The following SEMA3D variants were observed in gnomAD, a reference collection of about 807,000 sequenced individuals.
The protein encoded by SEMA3D is semaphorin-3D.
A neutral mutation model predicts 100.1 loss-of-function variants in SEMA3D; 84 were observed. The observed-to-expected ratio is 0.84, with a 90% CI of 0.70 to 1.01. The LOEUF is 1.01. Among genes scored for constraint, SEMA3D ranks in the 50% least tolerant of loss-of-function variants. The probability of loss-of-function intolerance (pLI) is 0.00; values close to 1 mark genes in which losing one functional copy is unlikely to be tolerated. For synonymous variants in SEMA3D, 312 were observed against 320.7 expected, an observed-to-expected ratio of 0.97 and a Z score of 0.29; for missense variants, 875 against 934.1, an observed-to-expected ratio of 0.94 and a Z score of 0.82.
At chr7:85,237,772 G>A in the SEMA3D span, among the ~76,000 whole-genome samples, 3 of 152,168 alleles carry the variant, frequency 2.0e-5, no homozygotes, top group African/African-American at 4.8e-5. Flanking sequence ...TTGTGTGAGC[G>A]TAAGTTTTCA....
At chr7:85,249,796 T>C in the SEMA3D span, among the ~76,000 whole-genome samples, 1 of 152,210 alleles carries the variant, frequency 6.6e-6, no homozygotes, top group African/African-American at 2.4e-5. Context: ...GAAAAAATTC[T>C]CTAAAACTGC....
chr7:85,021,621 A>C lies in SEMA3D; in HGVS notation c.1414+770T>G, dbSNP rs371180346. On this transcript the variant is annotated intron_variant, in intron 13 of 18. Transcript: ENST00000284136. ...TTTTGAACTCTTAAATATCTATTCT[A>C]ATAAAAAGTCTTGTTTGTTGAAAAT... 7.6e-4 allele frequency among the ~76,000 whole-genome samples: 116 copies of C among 151,914 alleles called. 1 individual carries two copies. The South Asian group carries it at 0.023, about 30-fold the overall frequency.
rs563993065 is a variant in SEMA3D at position 85,086,855 on chromosome 7, T to C, written c.313-5276A>G. On this transcript the variant is annotated intron_variant, in intron 4 of 18. Coordinates refer to ENST00000284136, the MANE Select transcript of SEMA3D (RefSeq NM_001384900.1). ...GGTACCTGTGTTCCTTGGATTATTT[T>C]AGTGGCCTAGTCAGTACACTTTGAG... Among the ~76,000 whole-genome samples the C allele has an allele frequency of 2.6e-5, 4 of 152,288 alleles. No homozygotes were observed. In the South Asian group the frequency reaches 8.3e-4, roughly 32 times the overall value.
intron 15 of SEMA3D, among the ~76,000 whole-genome samples, chr7:85,015,705 T>C (rs1790078982): frequency 1.3e-5 from 2 of 151,788 alleles, no homozygotes; most frequent in Non-Finnish European, 2.9e-5. Flanking sequence ...ATGTGAGTTA[T>C]TAGTGGGAGA....
At chr7:85,059,510 A>G (rs2116107031) in intron 8 of SEMA3D, among the ~76,000 whole-genome samples, 1 of 152,336 alleles carries the variant, frequency 6.6e-6, no homozygotes, top group East Asian at 1.9e-4. Flanking sequence ...ATGCAGCATG[A>G]TGTCCCTTGA....
At chr7:85,139,449 T>C (rs926507933) in intron 2 of SEMA3D, among the ~76,000 whole-genome samples, 79 of 152,236 alleles carry the variant, frequency 5.2e-4, no homozygotes, top group Admixed American at 3.9e-4. Flanking sequence ...GAAAACATCA[T>C]TTTATATCAG....
At chr7:85,200,797 T>C in the SEMA3D span, among the ~76,000 whole-genome samples, 1 of 151,952 alleles carries the variant, frequency 6.6e-6, no homozygotes, top group African/African-American at 2.4e-5. Context: ...GGGGAAAAAA[T>C]GGTTTAGTGG....
chr7:85,005,263 A>G, intron 18 of SEMA3D, among the ~76,000 whole-genome samples: 1 of 152,028 alleles, frequency 6.6e-6, no homozygotes, highest in Admixed American at 6.5e-5. Context: ...CATTCTTTCA[A>G]TATTTCTTGG....
intron 2 of SEMA3D, among the ~76,000 whole-genome samples, chr7:85,131,133 G>C (rs1449177976): frequency 6.6e-6 from 1 of 152,054 alleles, no homozygotes; most frequent in African/African-American, 2.4e-5. Flanking sequence ...TTAAGAACAA[G>C]AGAAAATTAT....
intron 17 of SEMA3D, among the ~76,000 whole-genome samples, chr7:85,009,999 C>A (rs1335456306): frequency 6.6e-6 from 1 of 150,438 alleles, no homozygotes; most frequent in African/African-American, 2.5e-5. Flanking sequence ...TGAGAAAATA[C>A]CAAGGGCAAA....
At chr7:85,042,327 A>T in intron 9 of SEMA3D, 42 bp from the exon 10 acceptor site, 2 of 1,388,400 alleles carry the variant, frequency 1.4e-6, no homozygotes, top group Non-Finnish European at 2.0e-6. Context: ...TTATCAACAC[A>T]ATTCTACCAC....
chr7:85,169,674 T>A (rs1791030331), intron 1 of SEMA3D, among the ~76,000 whole-genome samples: 1 of 151,838 alleles, frequency 6.6e-6, no homozygotes, highest in Admixed American at 6.6e-5. Flanking sequence ...AAAGAAGAGC[T>A]GTGGTATCTG....
chr7:85,097,917 C>T lies in SEMA3D; in HGVS notation c.200G>A (p.Gly67Glu), dbSNP rs1788614425. Residue 67 changes from glycine to glutamate, a missense_variant, in exon 4 of 19, where the codon GGA (glycine) becomes GAA (glutamate). Coordinates refer to ENST00000284136, the MANE Select transcript of SEMA3D (RefSeq NM_001384900.1). ...SCIPFLGSSE[G>E]LDFQTLLLDE... ...TAAGAGAAGAGTTTGAAAATCCAGT[C>T]CTTCTGATGAACCCAAAAAGGGAAT... 6.2e-7 allele frequency: 1 copy of T among 1,608,682 alleles called. No homozygotes were observed. Among genetic ancestry groups the T allele is most frequent in the Non-Finnish European group, 8.5e-7 (1 of 1,176,746 alleles).
rs887259853 is a variant in SEMA3D at position 85,168,074 on chromosome 7, G to A, written c.-172-14335C>T. Among the ~76,000 whole-genome samples, 7 of 151,914 alleles carry A rather than the reference G, an allele frequency of 4.6e-5. No individual in the cohort carries two copies. In the East Asian group the frequency reaches 1.4e-3, roughly 29 times the overall value. On this transcript the variant is annotated intron_variant, in intron 1 of 18. Transcript: ENST00000284136. ...CTGGGGTGTATATAATAATTGAAAAGTTTGACAGAATTTTATACTTTTCTT... is the reference window on the plus strand; with the variant it reads ...CTGGGGTGTATATAATAATTGAAAAATTTGACAGAATTTTATACTTTTCTT...
At chr7:85,095,100 A>G (rs1475990500) in intron 4 of SEMA3D, among the ~76,000 whole-genome samples, 2 of 152,028 alleles carry the variant, frequency 1.3e-5, no homozygotes, top group African/African-American at 4.8e-5. Context: ...CTTCCTCTGC[A>G]ATCATTTATT....
chr7:85,027,014 A>G (rs1790409056), intron 12 of SEMA3D, among the ~76,000 whole-genome samples: 1 of 152,060 alleles, frequency 6.6e-6, no homozygotes, highest in African/African-American at 2.4e-5. Context: ...ATGGAAACCC[A>G]ATTGTTGATA....
intron 4 of SEMA3D, among the ~76,000 whole-genome samples, chr7:85,087,915 G>A (rs969980650): frequency 6.6e-6 from 1 of 152,042 alleles, no homozygotes; most frequent in African/African-American, 2.4e-5. Flanking sequence ...AATAAAAATT[G>A]TCTTCAGTGC....
chr7:85,237,767 T>C, the SEMA3D span, among the ~76,000 whole-genome samples: 7 of 152,214 alleles, frequency 4.6e-5, no homozygotes, highest in African/African-American at 1.7e-4. Context: ...AGCTTTTGTG[T>C]GAGCGTAAGT....
chr7:85,150,194 A>G (rs1319787425), intron 2 of SEMA3D, among the ~76,000 whole-genome samples: 1 of 151,522 alleles, frequency 6.6e-6, no homozygotes, highest in Non-Finnish European at 1.5e-5. Context: ...GGACATAAAT[A>G]CTTATTTAGT....
Sources: gnomAD v4.1 joint callset for allele counts (sites outside exome capture counted in the v4.1 genomes callset) on GRCh38, gnomAD v4.1.1 for gene constraint, MANE v1.5 for transcripts, NCBI Gene and HGNC (gene_info 2026-07-23, HGNC 2026-07-21) for gene names.